The following MCTP1 variants were observed in gnomAD, a reference collection of about 807,000 sequenced individuals.
The protein encoded by MCTP1 is multiple C2 and transmembrane domain-containing protein 1.
In MCTP1, 69 loss-of-function variants were observed where a neutral mutation model predicts 120.6. The ratio of observed to expected loss-of-function variants is 0.57; its 90% CI spans 0.47 to 0.70. The LOEUF is 0.70. MCTP1 is among the 30% of genes least tolerant of loss of function. The probability of loss-of-function intolerance (pLI) is 0.00; values close to 1 mark genes in which losing one functional copy is unlikely to be tolerated. For synonymous variants in MCTP1, 529 were observed against 493.1 expected (o/e 1.07, Z -0.96); for missense variants, 1,203 against 1,248.8 (o/e 0.96, Z 0.55).
chr5:94,895,413 T>C (rs150954578), intron 10 of MCTP1, among the ~76,000 whole-genome samples: 165 of 152,042 alleles, frequency 1.1e-3, no homozygotes, highest in African/African-American at 3.9e-3. Flanking sequence ...GGCACCTGAG[T>C]TGTGCTAAGA....
chr5:94,951,018 G>T (rs1333368586), intron 3 of MCTP1, among the ~76,000 whole-genome samples: 1 of 145,724 alleles, frequency 6.9e-6, no homozygotes, highest in Non-Finnish European at 1.5e-5. Flanking sequence ...TGTGTAGATT[G>T]TGCATAGCAG....
intron 1 of MCTP1, among the ~76,000 whole-genome samples, chr5:95,198,549 T>G (rs998228753): frequency 6.6e-6 from 1 of 152,194 alleles, no homozygotes; most frequent in Non-Finnish European, 1.5e-5. Flanking sequence ...GCTATGGTAT[T>G]TAGTAGGTTA....
intron 1 of MCTP1, among the ~76,000 whole-genome samples, chr5:95,223,699 T>C (rs1753941176): frequency 1.3e-5 from 2 of 152,078 alleles, no homozygotes; most frequent in South Asian, 4.1e-4. Context: ...AATCTAAATT[T>C]GGAAAAAAAT....
intron 19 of MCTP1, among the ~76,000 whole-genome samples, chr5:94,778,238 T>TA (rs929893083): frequency 1.5e-4 from 23 of 152,120 alleles, no homozygotes; most frequent in Middle Eastern, 3.4e-3. Flanking sequence ...CTGGTGAAGG[T>TA]AAAAAAATCT....
chr5:94,755,900 C>T lies in MCTP1; in HGVS notation c.2610+23210G>A, dbSNP rs375674602. On this transcript the variant is annotated intron_variant, in intron 19 of 22. Transcript: ENST00000515393. ...CTACTTCTACCATCTGCTAGAATAC[C>T]TTATTCGATGTCCTGGTGACATTTC... 4.9e-4 allele frequency among the ~76,000 whole-genome samples: 74 copies of T among 152,188 alleles called. 1 individual carries two copies. Among genetic ancestry groups the T allele is most frequent in the African/African-American group, 1.8e-3 (73 of 41,502 alleles).
intron 17 of MCTP1, among the ~76,000 whole-genome samples, chr5:94,836,121 A>G (rs566119701): frequency 2.2e-5 from 3 of 137,974 alleles, no homozygotes; most frequent in Non-Finnish European, 3.1e-5. Context: ...CGGAGGTTGC[A>G]GTGAGCCAAG....
chr5:94,925,472 A>G (rs893226745), intron 6 of MCTP1, among the ~76,000 whole-genome samples: 1 of 151,786 alleles, frequency 6.6e-6, no homozygotes, highest in African/African-American at 2.4e-5. Context: ...GCAGTGGCGC[A>G]ATCTCGGCTC....
chr5:94,934,731 AAAG>A (rs1815725715), intron 5 of MCTP1, among the ~76,000 whole-genome samples: 1 of 110,746 alleles, frequency 9.0e-6, no homozygotes, highest in African/African-American at 3.6e-5. Flanking sequence ...AATCCAAGAT[AAAG>A]AAGTTTTTTT....
intron 2 of MCTP1, among the ~76,000 whole-genome samples, chr5:94,958,267 C>T (rs948259946): frequency 2.6e-5 from 4 of 152,156 alleles, no homozygotes; most frequent in Non-Finnish European, 4.4e-5. Context: ...ACAGCTAAAG[C>T]AGTGTGTAGA....
intron 2 of MCTP1, among the ~76,000 whole-genome samples, chr5:94,990,500 T>C (rs1386215741): frequency 1.3e-5 from 2 of 152,140 alleles, no homozygotes; most frequent in African/African-American, 2.4e-5. Flanking sequence ...GCCTGGATGT[T>C]TGCCTCTTCA....
chr5:94,871,075 A>C, intron 14 of MCTP1, 102 bp from the exon 15 acceptor site: 1 of 945,602 alleles, frequency 1.1e-6, no homozygotes, highest in Non-Finnish European at 1.7e-6. Flanking sequence ...CAGAGAACCC[A>C]AAACAACTGT....
chr5:94,851,357 T>C (rs953303907), intron 17 of MCTP1, among the ~76,000 whole-genome samples: 1 of 152,062 alleles, frequency 6.6e-6, no homozygotes, highest in Non-Finnish European at 1.5e-5. Flanking sequence ...TCACTGCACA[T>C]GCCACAAATG....
intron 1 of MCTP1, among the ~76,000 whole-genome samples, chr5:95,236,274 T>A (rs1755535009): frequency 6.6e-6 from 1 of 152,234 alleles, no homozygotes; most frequent in Admixed American, 6.5e-5. Flanking sequence ...CAAGCAAGGA[T>A]GAATTATGTC....
chr5:94,867,348 T>G, intron 17 of MCTP1: 1 of 1,533,338 alleles, frequency 6.5e-7, no homozygotes. Context: ...CTTTGTTCCA[T>G]GTGCTCAGAC....
chr5:95,201,625 G>A (rs188071544), intron 1 of MCTP1, among the ~76,000 whole-genome samples: 37 of 150,876 alleles, frequency 2.5e-4, no homozygotes, highest in East Asian at 1.4e-3. Context: ...CTGCCTTAGC[G>A]TCCTGAGTAG....
chr5:95,262,122 C>T (rs774267608), intron 1 of MCTP1, among the ~76,000 whole-genome samples: 1 of 152,180 alleles, frequency 6.6e-6, no homozygotes, highest in Non-Finnish European at 1.5e-5. Context: ...AGTATGGGCC[C>T]ATCTCGAGAT....
intron 1 of MCTP1, among the ~76,000 whole-genome samples, chr5:95,223,509 C>T (rs1753917987): frequency 1.3e-5 from 2 of 151,946 alleles, no homozygotes; most frequent in African/African-American, 4.8e-5. Context: ...TCGTCACACC[C>T]CTCTTTAAGG....
chr5:94,827,587 C>T (rs1787464163), intron 17 of MCTP1, among the ~76,000 whole-genome samples: 1 of 152,166 alleles, frequency 6.6e-6, no homozygotes, highest in African/African-American at 2.4e-5. Flanking sequence ...TTTTCCATGT[C>T]ACCTTCAGGT....
intron 2 of MCTP1, among the ~76,000 whole-genome samples, chr5:95,011,028 C>G (rs1835828242): frequency 6.6e-6 from 1 of 152,108 alleles, no homozygotes; most frequent in African/African-American, 2.4e-5. Flanking sequence ...TTCAGTGCAT[C>G]CTGTCAGGGA....
Sources: allele counts gnomAD v4.1 joint callset (sites outside exome capture counted in the v4.1 genomes callset), GRCh38; gene constraint gnomAD v4.1.1; transcripts MANE v1.5; gene names NCBI Gene and HGNC (gene_info 2026-07-23, HGNC 2026-07-21).